FAM177A1: variants seen among roughly 807,000 people sequenced by gnomAD.
FAM177A1 encodes family with sequence similarity 177 member A1, also known as protein FAM177A1.
A neutral mutation model predicts 26.1 loss-of-function variants in FAM177A1; 22 were observed. That is an observed-to-expected ratio of 0.84 (90% CI 0.60 to 1.20). FAM177A1 has a LOEUF of 1.20. Among genes scored for constraint, FAM177A1 ranks in the 50% most tolerant of loss-of-function variants. The probability of loss-of-function intolerance (pLI) is 0.00; values close to 1 mark genes in which losing one functional copy is unlikely to be tolerated. For synonymous variants in FAM177A1, 95 were observed against 99.3 expected (o/e 0.96, Z 0.26); for missense variants, 296 against 291.1 (o/e 1.02, Z -0.12).
rs2045487558 is a variant in FAM177A1 at position 35,081,755 on chromosome 14, AC to A, written c.*528del. 1.3e-5 allele frequency: 2 copies of A among 152,292 alleles called. No homozygotes were observed. Among genetic ancestry groups the A allele is most frequent in the Non-Finnish European group, 2.9e-5 (2 of 68,098 alleles). The allele number at this position is 152,292 out of a possible 1,614,324, so 9.4% of individuals were successfully genotyped here. On this transcript the variant is annotated 3_prime_UTR_variant, in exon 5 of 5. Transcript: ENST00000280987. ...TTTGAATTTTCTTTCATTGAGAATA[AC>A]TGTTTTATGTAAGAATCTGTATTTA...
At chr14:35,069,832 C>T (rs1305450475) in intron 2 of FAM177A1, among the ~76,000 whole-genome samples, 1 of 151,568 alleles carries the variant, frequency 6.6e-6, no homozygotes, top group African/African-American at 2.4e-5. Flanking sequence ...GAAGTGGAGA[C>T]CTATGCTAGA....
chr14:35,065,198 GTCTC>G (rs907420450), intron 2 of FAM177A1, among the ~76,000 whole-genome samples: 8 of 149,530 alleles, frequency 5.4e-5, no homozygotes, highest in Admixed American at 1.3e-4. Context: ...TTGAGACGGA[GTCTC>G]TCTCTCTCTC....
At chr14:35,055,202 C>T (rs2045040453) in intron 2 of FAM177A1, among the ~76,000 whole-genome samples, 2 of 150,634 alleles carry the variant, frequency 1.3e-5, no homozygotes, top group Admixed American at 1.3e-4. Context: ...ACTCAGGAGG[C>T]TGAGGCAGGA....
At chr14:35,059,836 CA>C (rs2045122502) in intron 2 of FAM177A1, among the ~76,000 whole-genome samples, 1 of 150,720 alleles carries the variant, frequency 6.6e-6, no homozygotes, top group South Asian at 2.1e-4. Context: ...CGTGAGCCAC[CA>C]CACTCCACCA....
At chr14:35,052,715 A>G (rs1256513363) in intron 1 of FAM177A1, among the ~76,000 whole-genome samples, 7 of 152,136 alleles carry the variant, frequency 4.6e-5, no homozygotes, top group Non-Finnish European at 8.8e-5. Flanking sequence ...GCTTAAGGCC[A>G]GTAGTTGGAG....
upstream of FAM177A1, chr14:35,044,935 C>A (rs1480225245): frequency 6.6e-6 from 1 of 151,248 alleles, no homozygotes; most frequent in Non-Finnish European, 1.5e-5. Context: ...TATTTAATTG[C>A]CACTTTGGAA....
At chr14:35,069,196 A>G (rs1269387300) in intron 2 of FAM177A1, among the ~76,000 whole-genome samples, 2 of 152,132 alleles carry the variant, frequency 1.3e-5, no homozygotes, top group Non-Finnish European at 2.9e-5. Context: ...GTGTATAGCT[A>G]AATCTCACCA....
At chr14:35,052,840 T>G (rs1165238559) in intron 1 of FAM177A1, among the ~76,000 whole-genome samples, 1 of 152,098 alleles carries the variant, frequency 6.6e-6, no homozygotes, top group African/African-American at 2.4e-5. Flanking sequence ...AAGGATCACT[T>G]GAGGCCAGGA....
intron 1 of FAM177A1, among the ~76,000 whole-genome samples, chr14:35,051,617 T>A (rs185982251): frequency 6.6e-6 from 1 of 152,288 alleles, no homozygotes; most frequent in East Asian, 1.9e-4. Flanking sequence ...TTTGCCATGT[T>A]GGCCAGCCTG....
chr14:35,074,094 T>C (rs907625467), intron 2 of FAM177A1, among the ~76,000 whole-genome samples: 5 of 152,202 alleles, frequency 3.3e-5, no homozygotes, highest in Admixed American at 3.3e-4. Flanking sequence ...TTTATTAGGG[T>C]TCTCCAGAGG....
Position 35,046,394 on chromosome 14 carries a change from GGGCGCTGGGCGGGTGA to G in FAM177A1, c.-68_-53del. On this transcript the variant is annotated 5_prime_UTR_variant, in exon 1 of 5. Transcript: ENST00000280987. ...GACTTGGCTAGGCGCGGCGCGAGGC[GGGCGCTGGGCGGGTGA>G]GTCCCACTTCCCGACAGCCTGGCTC... The G allele has an allele frequency of 7.7e-7, 1 of 1,304,388 alleles. No individual in the cohort carries two copies. Among genetic ancestry groups the G allele is most frequent in the South Asian group, 1.6e-5 (1 of 62,458 alleles). 80.8% of individuals were successfully genotyped at this position (1,304,388 alleles called of 1,614,324 possible).
intron 2 of FAM177A1, among the ~76,000 whole-genome samples, chr14:35,064,887 C>T (rs914310439): frequency 1.3e-5 from 2 of 152,056 alleles, no homozygotes; most frequent in African/African-American, 4.8e-5. Context: ...CTGCTGACCT[C>T]GTGATCCGCC....
chr14:35,055,352 G>A (rs537664291), intron 2 of FAM177A1, among the ~76,000 whole-genome samples: 135 of 148,612 alleles, frequency 9.1e-4, no homozygotes, highest in Non-Finnish European at 1.5e-3. Flanking sequence ...TTCAAAGATT[G>A]TACCATATAC....
At position 35,081,491 on chromosome 14, in the gene FAM177A1, C is replaced by T. The variant is rs1376858009; in HGVS notation, c.*263C>T. ...ATCTTTTAAAAAAGTTAAGGACATC[C>T]TAGAGCCTTAATAGTTAAGAAGAGT... On this transcript the variant is annotated 3_prime_UTR_variant, in exon 5 of 5. Coordinates refer to ENST00000280987, the MANE Select transcript of FAM177A1 (RefSeq NM_173607.5). 3.7e-6 allele frequency: 1 copy of T among 272,096 alleles called. No individual in the cohort carries two copies. The highest frequency in any genetic ancestry group is 2.2e-5 in the African/African-American group (1 of 44,920). 16.9% of individuals were successfully genotyped at this position (272,096 alleles called of 1,614,324 possible).
In FAM177A1 at chr14:35,053,424, GAA is replaced by G; in HGVS notation, c.314_315del (p.Lys105ArgfsTer7). 1.2e-6 allele frequency: 2 copies of G among 1,614,086 alleles called. No homozygotes were observed. The highest frequency in any genetic ancestry group is 1.7e-6 in the Non-Finnish European group (2 of 1,180,016). ...AAGACGAAGTTGATGGCCTGGAGAA[GAA>G]AGATGTTTTGCCTACTGTTGATCCG... Reference protein sequence around the residue: ...DEDEVDGLEKKDVLPTVDPTK... With the variant: ...DEDEVDGLEKXDVLPTVDPTK... On this transcript the variant is annotated frameshift_variant, in exon 2 of 5. Transcript: ENST00000280987. LOFTEE classifies it high-confidence loss of function.
intron 1 of FAM177A1, 128 bp downstream of exon 1, chr14:35,046,756 C>T: frequency 1.4e-6 from 2 of 1,402,032 alleles, no homozygotes; most frequent in Non-Finnish European, 1.9e-6. Flanking sequence ...TTCCTCCTCA[C>T]TGCACCCCTG....
chr14:35,078,134 C>T (rs1204892911), intron 3 of FAM177A1, among the ~76,000 whole-genome samples: 1 of 152,154 alleles, frequency 6.6e-6, no homozygotes, highest in Non-Finnish European at 1.5e-5. Context: ...TTACTGAGCA[C>T]TGAATATATG....
intron 2 of FAM177A1, among the ~76,000 whole-genome samples, chr14:35,066,234 T>G (rs141197831): frequency 2.6e-5 from 4 of 151,956 alleles, no homozygotes; most frequent in Non-Finnish European, 5.9e-5. Flanking sequence ...ACCTGTCTAA[T>G]TTTTAAAATT....
chr14:35,067,271 G>A (rs149328345), intron 2 of FAM177A1, among the ~76,000 whole-genome samples: 22 of 152,286 alleles, frequency 1.4e-4, no homozygotes, highest in Middle Eastern at 3.4e-3. Context: ...ACATAAAAGT[G>A]AAAACGTGGC....
Sources: allele counts gnomAD v4.1 joint callset (sites outside exome capture counted in the v4.1 genomes callset), GRCh38; gene constraint gnomAD v4.1.1; transcripts MANE v1.5; gene names NCBI Gene and HGNC (gene_info 2026-07-23, HGNC 2026-07-21).